Variants in SYT12 observed in about 807,000 individuals in gnomAD.
SYT12 encodes synaptotagmin-12.
In SYT12, 27 loss-of-function variants were observed where a neutral mutation model predicts 39.5. The ratio of observed to expected loss-of-function variants is 0.68; its 90% CI spans 0.50 to 0.94. The LOEUF is 0.94. Ranked by LOEUF, SYT12 falls within the 40% of genes least tolerant of loss-of-function variation. The pLI, the probability that SYT12 is intolerant of heterozygous loss-of-function variation, is 0.00. For synonymous variants in SYT12, 233 were observed against 239.7 expected (o/e 0.97, Z 0.26); for missense variants, 536 against 572.6 (o/e 0.94, Z 0.65).
intron 3 of SYT12, among the ~76,000 whole-genome samples, chr11:67,015,011 T>C (rs921709423): frequency 1.3e-5 from 2 of 152,204 alleles, no homozygotes; most frequent in African/African-American, 2.4e-5. Flanking sequence ...ACAGCTGCTT[T>C]CTTTGTCTAG....
chr11:67,036,303 A>G (rs1202864778), intron 3 of SYT12, among the ~76,000 whole-genome samples: 1 of 152,162 alleles, frequency 6.6e-6, no homozygotes, highest in Non-Finnish European at 1.5e-5. Flanking sequence ...GCTGTATGAG[A>G]TTCTTTTTTG....
chr11:67,023,792 A>C (rs1950144376), intron 1 of SYT12, among the ~76,000 whole-genome samples: 1 of 151,850 alleles, frequency 6.6e-6, no homozygotes, highest in Non-Finnish European at 1.5e-5. Context: ...GACTGTCCTC[A>C]CTGTCCCTGC....
intron 3 of SYT12, among the ~76,000 whole-genome samples, chr11:67,035,731 A>G (rs1259957953): frequency 2.6e-5 from 4 of 151,662 alleles, no homozygotes; most frequent in Non-Finnish European, 4.4e-5. Flanking sequence ...TACTGGGATT[A>G]CAGACGTGAG....
At chr11:67,026,195 C>A (rs938449802) in intron 1 of SYT12, among the ~76,000 whole-genome samples, 23 of 152,292 alleles carry the variant, frequency 1.5e-4, no homozygotes, top group African/African-American at 5.5e-4. Context: ...AGGGGCAATG[C>A]CGACTTAGCT....
intron 3 of SYT12, among the ~76,000 whole-genome samples, chr11:67,013,192 C>T (rs1240485545): frequency 6.6e-6 from 1 of 152,174 alleles, no homozygotes; most frequent in Non-Finnish European, 1.5e-5. Context: ...AGGGACCACC[C>T]ATAACATAAC....
intron 2 of SYT12, among the ~76,000 whole-genome samples, chr11:67,034,422 G>A (rs1045824905): frequency 1.3e-5 from 2 of 152,320 alleles, no homozygotes; most frequent in African/African-American, 2.4e-5. Context: ...GACTATAAGT[G>A]TAATGTAAAT....
chr11:67,008,364 A>C lies in SYT12; in HGVS notation c.-485+909A>C, dbSNP rs570085350. ...TATTGGTTTGAATCCCACCTCTGTC[A>C]CCTGCTGGTGTTTATTCTTGGCTAC... On this transcript the variant is annotated intron_variant, in intron 1 of 10. Transcript: ENST00000393946. 1.9e-3 allele frequency among the ~76,000 whole-genome samples: 286 copies of C among 152,076 alleles called. 3 individuals carry two copies. The highest frequency in any genetic ancestry group is 6.0e-3 in the African/African-American group (248 of 41,470).
chr11:67,011,714 T>C (rs989030414), intron 3 of SYT12, among the ~76,000 whole-genome samples: 1 of 152,164 alleles, frequency 6.6e-6, no homozygotes, highest in Admixed American at 6.5e-5. Context: ...CTTGCCTGGC[T>C]GATGCCTGAT....
intron 1 of SYT12, among the ~76,000 whole-genome samples, chr11:67,007,931 T>C (rs1464522678): frequency 6.6e-6 from 1 of 151,788 alleles, no homozygotes; most frequent in African/African-American, 2.4e-5. Context: ...GAGCACTTCC[T>C]TCCTGATCCT....
At chr11:67,043,967 T>C (rs963871676) in intron 5 of SYT12, 114 bp downstream of exon 5, 1 of 1,028,510 alleles carries the variant, frequency 9.7e-7, no homozygotes, top group Non-Finnish European at 1.4e-6. Context: ...CCATCATCAT[T>C]AGGAGAGCAG....
chr11:67,034,717 C>T lies in SYT12; in HGVS notation c.107C>T (p.Ala36Val). The change falls in exon 3 of 8, where the codon GCT (alanine) becomes GTT (valine). Residue 36 changes from alanine to valine, a missense_variant. Physicochemically the swap from Ala to Val is moderately conservative, Grantham distance 64. Coordinates refer to ENST00000527043, the MANE Select transcript of SYT12 (RefSeq NM_177963.4). ...AGALALLGIA[A>V]VSLWKLWTSG... The stretch of plus-strand genomic sequence containing the variant: ...GCCCTGGCCCTGCTGGGAATCGCAG[C>T]TGTGAGCCTGTGGAAGCTCTGGACG... 6.2e-7 allele frequency: 1 copy of T among 1,602,362 alleles called. No individual in the cohort carries two copies. The highest frequency in any genetic ancestry group is 8.5e-7 in the Non-Finnish European group (1 of 1,175,586).
chr11:67,034,276 T>C (rs1201104535), intron 2 of SYT12, among the ~76,000 whole-genome samples: 1 of 152,224 alleles, frequency 6.6e-6, no homozygotes, highest in South Asian at 2.1e-4. Context: ...TTTCTGGATA[T>C]TATGTACACA....
At position 67,034,688 on chromosome 11, in the gene SYT12, A is replaced by C; in HGVS notation, c.78A>C (p.Ala26=). The C allele has an allele frequency of 6.2e-7, 1 of 1,602,670 alleles. No individual in the cohort carries two copies. The highest frequency in any genetic ancestry group is 1.1e-5 in the South Asian group (1 of 89,058). ...PPGWEVGVYA[A]GALALLGIAA... The stretch of plus-strand genomic sequence containing the variant: ...GCTGGGAGGTGGGTGTCTATGCTGC[A>C]GGGGCCCTGGCCCTGCTGGGAATCG... Residue 26 remains alanine, a synonymous_variant, in exon 3 of 8, where the codon GCA becomes GCC. Coordinates refer to ENST00000527043, the MANE Select transcript of SYT12 (RefSeq NM_177963.4).
At chr11:67,030,038 C>A in intron 1 of SYT12, 84 bp from the exon 2 acceptor site, 3 of 1,266,852 alleles carry the variant, frequency 2.4e-6, no homozygotes, top group Non-Finnish European at 2.3e-6. Flanking sequence ...GGATGACAGG[C>A]ACGTGGGTGC....
intron 3 of SYT12, among the ~76,000 whole-genome samples, chr11:67,016,796 A>C (rs1950062695): frequency 6.6e-6 from 1 of 151,968 alleles, no homozygotes; most frequent in African/African-American, 2.4e-5. Flanking sequence ...TCCCCCTAGA[A>C]GCCAGCACTG....
At chr11:67,045,405 C>T (rs979927280) in intron 6 of SYT12, among the ~76,000 whole-genome samples, 2 of 152,046 alleles carry the variant, frequency 1.3e-5, no homozygotes, top group African/African-American at 2.4e-5. Context: ...CTCTGCTGTG[C>T]GGGTGCCCGG....
At chr11:67,012,837 A>C (rs1301847363) in intron 3 of SYT12, among the ~76,000 whole-genome samples, 1 of 152,204 alleles carries the variant, frequency 6.6e-6, no homozygotes, top group East Asian at 1.9e-4. Context: ...TAGTGTTCTT[A>C]ACCACACGTG....
chr11:67,020,194 G>A (rs117219719), upstream of SYT12, among the ~76,000 whole-genome samples: 1,111 of 152,260 alleles, frequency 7.3e-3, 6 homozygotes, highest in Non-Finnish European at 0.012. Flanking sequence ...CACAGAAGAC[G>A]GAGGAAGCTG....
chr11:67,047,139 A>AT (rs1340056217), intron 7 of SYT12, among the ~76,000 whole-genome samples: 1 of 151,466 alleles, frequency 6.6e-6, no homozygotes, highest in Admixed American at 6.6e-5. Context: ...TAATTTTTGT[A>AT]TTTTTAGTAG....
Sources: allele counts gnomAD v4.1 joint callset (sites outside exome capture counted in the v4.1 genomes callset), GRCh38; gene constraint gnomAD v4.1.1; transcripts MANE v1.5; gene names NCBI Gene and HGNC (gene_info 2026-07-23, HGNC 2026-07-21).